Variants in TMEFF2 observed in about 807,000 individuals in gnomAD.
TMEFF2 encodes transmembrane protein with EGF like and two follistatin like domains 2, also known as tomoregulin-2.
A neutral mutation model predicts 53.8 loss-of-function variants in TMEFF2; 28 were observed. The ratio of observed to expected loss-of-function variants is 0.52; its 90% CI spans 0.39 to 0.71. The LOEUF (loss-of-function observed/expected upper bound fraction) is 0.71, where lower values mean the gene tolerates loss of function less well. Among genes scored for constraint, TMEFF2 ranks in the 30% least tolerant of loss-of-function variants. The probability of loss-of-function intolerance (pLI) is 0.00; values close to 1 mark genes in which losing one functional copy is unlikely to be tolerated. For missense variants in TMEFF2, 353 were observed against 455.2 expected, an observed-to-expected ratio of 0.78 and a Z score of 2.04; for synonymous variants, 162 against 166.3, an observed-to-expected ratio of 0.97 and a Z score of 0.20.
At chr2:191,986,606 T>A in intron 7 of TMEFF2, among the ~76,000 whole-genome samples, 1 of 150,100 alleles carries the variant, frequency 6.7e-6, no homozygotes. Flanking sequence ...ACGCCTGTAA[T>A]CCCAGCACTT....
chr2:192,113,608 T>C (rs1689334069), intron 4 of TMEFF2, among the ~76,000 whole-genome samples: 1 of 152,184 alleles, frequency 6.6e-6, no homozygotes, highest in South Asian at 2.1e-4. Flanking sequence ...GTTTAGGTTG[T>C]TTTAAATATA....
At chr2:191,999,023 AATC>A (rs1379386656) in intron 6 of TMEFF2, 34 bp downstream of exon 6, 1 of 1,567,460 alleles carries the variant, frequency 6.4e-7, no homozygotes, top group African/African-American at 1.4e-5. Context: ...CAAAGACTAA[AATC>A]ATTCTTTGAA....
At chr2:191,987,177 C>G (rs1685998104) in intron 7 of TMEFF2, among the ~76,000 whole-genome samples, 1 of 152,050 alleles carries the variant, frequency 6.6e-6, no homozygotes, top group Non-Finnish European at 1.5e-5. Context: ...CAGTACTTAC[C>G]CCTGCCCCTT....
At chr2:192,051,094 G>A (rs1198400886) in intron 5 of TMEFF2, among the ~76,000 whole-genome samples, 1 of 152,146 alleles carries the variant, frequency 6.6e-6, no homozygotes, top group Non-Finnish European at 1.5e-5. Context: ...CTTCAAGGTG[G>A]AGATAAGAGG....
intron 4 of TMEFF2, among the ~76,000 whole-genome samples, chr2:192,058,962 CTCT>C (rs1559107839): frequency 1.3e-5 from 2 of 148,244 alleles, no homozygotes; most frequent in East Asian, 2.3e-4. Context: ...ATGTTATTTT[CTCT>C]TCATTTCTTT....
In TMEFF2 at chr2:191,952,979, G is replaced by C. The variant is rs528143825; in HGVS notation, c.1028+700C>G. ...TGGTTACACAGAACATAAATGATAC[G>C]CATTTTGCTTAAAGTCCAATTCTTG... On this transcript the variant is annotated intron_variant, in intron 9 of 9. Transcript: ENST00000272771. 3.3e-5 allele frequency among the ~76,000 whole-genome samples: 5 copies of C among 152,256 alleles called. No homozygotes were observed. The South Asian group carries it at 1.0e-3, about 32-fold the overall frequency.
At chr2:192,155,662 A>C (rs1336300244) in intron 4 of TMEFF2, among the ~76,000 whole-genome samples, 1 of 152,016 alleles carries the variant, frequency 6.6e-6, no homozygotes, top group African/African-American at 2.4e-5. Flanking sequence ...AAACCATCTG[A>C]GGCAGTTGGC....
intron 7 of TMEFF2, among the ~76,000 whole-genome samples, chr2:191,973,640 TAG>T (rs1445556112): frequency 6.6e-6 from 1 of 152,110 alleles, no homozygotes; most frequent in Non-Finnish European, 1.5e-5. Flanking sequence ...TACTTTAAAA[TAG>T]ATTTAGGTTT....
At chr2:192,013,342 G>A (rs1469494145) in intron 5 of TMEFF2, among the ~76,000 whole-genome samples, 2 of 152,060 alleles carry the variant, frequency 1.3e-5, no homozygotes, top group Non-Finnish European at 2.9e-5. Flanking sequence ...TGCCTGGAAT[G>A]TCCTAATCTC....
chr2:191,950,015 A>T lies in TMEFF2; in HGVS notation c.*296T>A, dbSNP rs1003397618. 1 of 1,117,710 alleles carries T rather than the reference A, an allele frequency of 8.9e-7. No homozygotes were observed. The highest frequency in any genetic ancestry group is 1.1e-6 in the Non-Finnish European group (1 of 909,260). 69.2% of individuals were successfully genotyped at this position (1,117,710 alleles called of 1,614,324 possible). A position where few individuals can be genotyped will look rare whatever the true frequency, so the allele number is the denominator to read the frequency against. On this transcript the variant is annotated 3_prime_UTR_variant, in exon 10 of 10. Transcript: ENST00000272771. Reference sequence around the variant, plus strand: ...GAGATACCGCAAATTTAAGAATGCCAATTTTTTCTCATCACTGAGTATTTA... The same window carrying T: ...GAGATACCGCAAATTTAAGAATGCCTATTTTTTCTCATCACTGAGTATTTA...
intron 3 of TMEFF2, among the ~76,000 whole-genome samples, chr2:192,181,729 T>C (rs968721156): frequency 7.9e-5 from 12 of 151,692 alleles, no homozygotes; most frequent in African/African-American, 1.2e-4. Flanking sequence ...CAGAAAAAAA[T>C]GCCAATAGCA....
chr2:192,094,604 A>C (rs564645199), intron 4 of TMEFF2, among the ~76,000 whole-genome samples: 2 of 152,156 alleles, frequency 1.3e-5, no homozygotes, highest in Non-Finnish European at 2.9e-5. Flanking sequence ...GAGAAAAAAA[A>C]CAAATATTTT....
chr2:192,137,309 A>G (rs1690033757), intron 4 of TMEFF2, among the ~76,000 whole-genome samples: 2 of 152,200 alleles, frequency 1.3e-5, no homozygotes, highest in South Asian at 4.1e-4. Flanking sequence ...GCCTGCTGAA[A>G]GGATGGAAGA....
intron 7 of TMEFF2, among the ~76,000 whole-genome samples, chr2:191,969,077 T>TTA (rs10618196): frequency 3.4e-5 from 5 of 149,232 alleles, no homozygotes; most frequent in African/African-American, 1.2e-4. Context: ...GTTTCCAGGT[T>TTA]TATATATATA....
chr2:191,976,067 T>C, intron 7 of TMEFF2, among the ~76,000 whole-genome samples: 1 of 152,208 alleles, frequency 6.6e-6, no homozygotes, highest in East Asian at 1.9e-4. Context: ...GTTATCTAAG[T>C]CAAATAGTTT....
intron 7 of TMEFF2, among the ~76,000 whole-genome samples, chr2:191,967,179 T>C (rs1342002432): frequency 2.6e-5 from 4 of 152,126 alleles, no homozygotes; most frequent in East Asian, 1.9e-4. Flanking sequence ...AGTTTAGAAA[T>C]TGTAGATAGC....
chr2:192,169,943 A>T (rs1476879832), intron 4 of TMEFF2, among the ~76,000 whole-genome samples: 1 of 150,586 alleles, frequency 6.6e-6, no homozygotes, highest in African/African-American at 2.5e-5. Context: ...CCAGAATATA[A>T]CCATTTAATA....
At chr2:192,077,343 G>A (rs1264901943) in intron 4 of TMEFF2, among the ~76,000 whole-genome samples, 2 of 151,988 alleles carry the variant, frequency 1.3e-5, no homozygotes, top group African/African-American at 4.8e-5. Context: ...TCAAATACAT[G>A]GCCTTTGATT....
chr2:192,142,063 T>C (rs574637605), intron 4 of TMEFF2, among the ~76,000 whole-genome samples: 3 of 147,976 alleles, frequency 2.0e-5, no homozygotes, highest in Non-Finnish European at 4.4e-5. Flanking sequence ...CATTAGAATA[T>C]TTTTTAAAGA....
Sources: allele counts gnomAD v4.1 joint callset (sites outside exome capture counted in the v4.1 genomes callset), GRCh38; gene constraint gnomAD v4.1.1; transcripts MANE v1.5; gene names NCBI Gene and HGNC (gene_info 2026-07-23, HGNC 2026-07-21).